KLKB1: variants seen among roughly 807,000 people sequenced by gnomAD.
KLKB1 encodes the protein kallikrein B1, also known as plasma kallikrein.
A neutral mutation model predicts 73.6 loss-of-function variants in KLKB1; 58 were observed. That is an observed-to-expected ratio of 0.79 (90% CI 0.64 to 0.98). KLKB1 has a LOEUF of 0.98. Ranked by LOEUF, KLKB1 falls within the 50% of genes least tolerant of loss-of-function variation. The probability of loss-of-function intolerance (pLI) is 0.00; values close to 1 mark genes in which losing one functional copy is unlikely to be tolerated. For missense variants in KLKB1, 737 were observed against 763.8 expected, an observed-to-expected ratio of 0.96 and a Z score of 0.41; for synonymous variants, 280 against 258.1, an observed-to-expected ratio of 1.08 and a Z score of -0.81.
At chr4:186,243,026 A>G (rs1738134710) in intron 6 of KLKB1, among the ~76,000 whole-genome samples, 1 of 151,846 alleles carries the variant, frequency 6.6e-6, no homozygotes, top group African/African-American at 2.4e-5. Context: ...CCTGTGGGAA[A>G]GGCCTCTACC....
Position 186,257,744 on chromosome 4 carries a change from AGTGTGTGTGTGTGT to A in KLKB1, c.1726-254_1726-241del, listed in dbSNP as rs67371055. Among the ~76,000 whole-genome samples the A allele has an allele frequency of 0.13, 19,413 of 147,184 alleles. 1,522 individuals are homozygous for A. The highest frequency in any genetic ancestry group is 0.21 in the Middle Eastern group (61 of 290). On this transcript the variant is annotated intron_variant, in intron 14 of 14. Coordinates refer to ENST00000264690, the MANE Select transcript of KLKB1 (RefSeq NM_000892.5). ...ACTTGGAGAACTTTAAGAAAGAGTG[AGTGTGTGTGTGTGT>A]GTGTGTGTGTGTGTGTGTGTGTCTG...
intron 2 of KLKB1, among the ~76,000 whole-genome samples, chr4:186,231,596 T>C: frequency 6.6e-6 from 1 of 152,242 alleles, no homozygotes; most frequent in East Asian, 1.9e-4. Context: ...CAGGGCTGGG[T>C]GACCGTCACA....
At chr4:186,248,249 C>CA (rs971924603) in intron 6 of KLKB1, among the ~76,000 whole-genome samples, 7 of 149,222 alleles carry the variant, frequency 4.7e-5, no homozygotes, top group Admixed American at 2.7e-4. Flanking sequence ...CTCCATCTCA[C>CA]AAAAAAATAA....
At chr4:186,226,946 C>A (rs1737187939), upstream of KLKB1, among the ~76,000 whole-genome samples, 1 of 152,068 alleles carries the variant, frequency 6.6e-6, no homozygotes, top group Admixed American at 6.6e-5. Flanking sequence ...GCCTGAAGCC[C>A]CAGGGGCTGA....
At chr4:186,235,107 GGGCCTGACTTAGCCA>G (rs1217453770) in intron 4 of KLKB1, among the ~76,000 whole-genome samples, 1 of 152,108 alleles carries the variant, frequency 6.6e-6, no homozygotes, top group Admixed American at 6.6e-5. Context: ...TTATAAATGT[GGGCCTGACTTAGCCA>G]GTATAATAGG....
At chr4:186,257,844 G>A (rs937091786) in intron 14 of KLKB1, among the ~76,000 whole-genome samples, 177 bp from the exon 15 acceptor site, 4 of 151,828 alleles carry the variant, frequency 2.6e-5, no homozygotes, top group Non-Finnish European at 5.9e-5. Context: ...GATCACTTGA[G>A]CCTAGGAATT....
At chr4:186,239,043 T>C (rs61005418) in intron 6 of KLKB1, among the ~76,000 whole-genome samples, 1 of 134,180 alleles carries the variant, frequency 7.5e-6, no homozygotes, top group Non-Finnish European at 1.6e-5. Context: ...GTTAGAGTTA[T>C]AGGTACAGTG....
intron 3 of KLKB1, among the ~76,000 whole-genome samples, chr4:186,232,793 G>C (rs991131690): frequency 1.3e-5 from 2 of 152,200 alleles, no homozygotes; most frequent in African/African-American, 4.8e-5. Flanking sequence ...GGCCTATAGT[G>C]AGCCAGTTTG....
intron 3 of KLKB1, among the ~76,000 whole-genome samples, chr4:186,232,620 G>A (rs887762320): frequency 1.3e-5 from 2 of 152,186 alleles, no homozygotes; most frequent in African/African-American, 4.8e-5. Context: ...TCTAACAGGT[G>A]CACATTTCAT....
At chr4:186,222,471 T>C (rs893578290), upstream of KLKB1, among the ~76,000 whole-genome samples, 5 of 152,242 alleles carry the variant, frequency 3.3e-5, no homozygotes, top group African/African-American at 1.2e-4. Context: ...TTACATAAAA[T>C]ATTTCATAGT....
chr4:186,242,046 C>T (rs1268335526), intron 6 of KLKB1, among the ~76,000 whole-genome samples: 4 of 151,734 alleles, frequency 2.6e-5, no homozygotes, highest in East Asian at 1.9e-4. Context: ...AGGCTGAGTC[C>T]GAAAAGAGAG....
intron 4 of KLKB1, among the ~76,000 whole-genome samples, chr4:186,234,529 G>C (rs1387099631): frequency 6.6e-6 from 1 of 152,176 alleles, no homozygotes; most frequent in East Asian, 1.9e-4. Flanking sequence ...GTAGAGGCCA[G>C]AATGTTTGAA....
chr4:186,232,239 T>A lies in KLKB1; in HGVS notation c.171T>A (p.Cys57Ter), dbSNP rs374181790. The A allele has an allele frequency of 1.3e-5, 21 of 1,614,060 alleles. No individual in the cohort carries two copies. The highest frequency in any genetic ancestry group is 1.6e-5 in the Non-Finnish European group (19 of 1,180,018). ...TGAGGTGCACATTCCACCCAAGGTG[T>A]TTGCTATTCAGTTTTCTTCCAGCAA... ...CQMRCTFHPR[C>*]LLFSFLPASS... Residue 57 changes from cysteine (C) to a stop codon, truncating the protein, a stop_gained, in exon 3 of 15, where the codon TGT becomes TGA. Coordinates refer to ENST00000264690, the MANE Select transcript of KLKB1 (RefSeq NM_000892.5). LOFTEE classifies it high-confidence loss of function.
intron 4 of KLKB1, among the ~76,000 whole-genome samples, chr4:186,235,127 A>G (rs1010976512): frequency 2.0e-5 from 3 of 152,210 alleles, no homozygotes; most frequent in Admixed American, 1.3e-4. Context: ...TAGCCAGTAT[A>G]ATAGGTGTAG....
chr4:186,226,903 C>T (rs1442653035), upstream of KLKB1, among the ~76,000 whole-genome samples: 1 of 152,078 alleles, frequency 6.6e-6, no homozygotes, highest in Non-Finnish European at 1.5e-5. Flanking sequence ...CTGGAGCAGG[C>T]CTGAAGTCTA....
upstream of KLKB1, among the ~76,000 whole-genome samples, chr4:186,224,407 G>T (rs1470602498): frequency 6.6e-6 from 1 of 152,228 alleles, no homozygotes; most frequent in East Asian, 1.9e-4. Flanking sequence ...GCTGTACCCT[G>T]CAAAGCCACA....
intron 3 of KLKB1, 65 bp downstream of exon 3, chr4:186,232,354 A>G: frequency 1.4e-6 from 2 of 1,465,372 alleles, no homozygotes. Context: ...TTGTGCAGAA[A>G]GGTGTAGTAT....
chr4:186,254,977 G>T lies in KLKB1; in HGVS notation c.1489+214G>T, dbSNP rs189810032. Among the ~76,000 whole-genome samples the T allele has an allele frequency of 1.5e-3, 228 of 152,308 alleles. 2 individuals carry two copies. The highest frequency in any genetic ancestry group is 5.2e-3 in the African/African-American group (217 of 41,560). On this transcript the variant is annotated intron_variant, in intron 12 of 14. Transcript: ENST00000264690. ...CAAGACATGTGAATTAATTCTTTCAGGGAGGGATACAACTGCATGCAGGTG... is the reference window on the plus strand; with the variant it reads ...CAAGACATGTGAATTAATTCTTTCATGGAGGGATACAACTGCATGCAGGTG...
At chr4:186,249,241 T>G (rs973730021) in intron 6 of KLKB1, among the ~76,000 whole-genome samples, 1 of 152,224 alleles carries the variant, frequency 6.6e-6, no homozygotes, top group Non-Finnish European at 1.5e-5. Context: ...TTCATGGTTT[T>G]GAAGATTTTT....
Sources: gnomAD v4.1 joint callset for allele counts (sites outside exome capture counted in the v4.1 genomes callset) on GRCh38, gnomAD v4.1.1 for gene constraint, MANE v1.5 for transcripts, NCBI Gene and HGNC (gene_info 2026-07-23, HGNC 2026-07-21) for gene names.